C2CD3: variants seen among roughly 807,000 people sequenced by gnomAD.
C2CD3 encodes the protein C2 domain-containing protein 3.
A neutral mutation model predicts 234.0 loss-of-function variants in C2CD3; 148 were observed. The observed-to-expected ratio is 0.63, with a 90% CI of 0.55 to 0.72. The LOEUF (loss-of-function observed/expected upper bound fraction) is 0.72, where lower values mean the gene tolerates loss of function less well. C2CD3 is among the 30% of genes least tolerant of loss of function. The probability of loss-of-function intolerance (pLI) is 0.00; values close to 1 mark genes in which losing one functional copy is unlikely to be tolerated. For synonymous variants in C2CD3, 1,000 were observed against 1,035.4 expected (o/e 0.97, Z 0.66); for missense variants, 2,577 against 2,811.5 (o/e 0.92, Z 1.89).
At chr11:74,019,019 G>A (rs535059229) in intron 32 of C2CD3, among the ~76,000 whole-genome samples, 2 of 152,286 alleles carry the variant, frequency 1.3e-5, no homozygotes, top group Admixed American at 6.5e-5. Flanking sequence ...TCTATGCTAC[G>A]AAGGGGCCTG....
intron 28 of C2CD3, among the ~76,000 whole-genome samples, chr11:74,043,569 C>T (rs889704677): frequency 2.6e-5 from 4 of 152,034 alleles, no homozygotes; most frequent in African/African-American, 7.2e-5. Context: ...TCCAATGCAC[C>T]TGCAGTGTTT....
intron 11 of C2CD3, 31 bp downstream of exon 11, chr11:74,113,749 C>G: frequency 1.7e-6 from 2 of 1,177,292 alleles, no homozygotes; most frequent in South Asian, 1.2e-5. Context: ...GTCAGAATGT[C>G]TAAGGTGCAG....
chr11:74,065,026 C>A (rs1591373300), intron 24 of C2CD3, among the ~76,000 whole-genome samples: 1 of 152,146 alleles, frequency 6.6e-6, no homozygotes, highest in Admixed American at 6.5e-5. Context: ...GTCTAAAACA[C>A]CAAAAGCAAT....
chr11:74,144,185 G>A (rs937790886), intron 3 of C2CD3, among the ~76,000 whole-genome samples: 2 of 152,190 alleles, frequency 1.3e-5, no homozygotes, highest in Non-Finnish European at 2.9e-5. Context: ...GAATGTGAAA[G>A]TTCATTATAC....
intron 13 of C2CD3, among the ~76,000 whole-genome samples, chr11:74,105,699 A>T (rs1320838160): frequency 5.3e-5 from 8 of 152,222 alleles, no homozygotes; most frequent in African/African-American, 1.9e-4. Context: ...ACCAGAATTC[A>T]TTCTACCAGG....
At chr11:74,157,265 C>T (rs996044167) in intron 3 of C2CD3, among the ~76,000 whole-genome samples, 4 of 152,100 alleles carry the variant, frequency 2.6e-5, no homozygotes, top group Non-Finnish European at 5.9e-5. Flanking sequence ...AAGCATATAG[C>T]TTCCTTCTCT....
Position 74,048,357 on chromosome 11 carries a change from A to G in C2CD3, c.5362-19T>C, listed in dbSNP as rs199820899. 4.0e-5 allele frequency: 64 copies of G among 1,612,542 alleles called. No individual in the cohort carries two copies. The African/African-American group carries it at 7.6e-4, about 19-fold the overall frequency. ...TTGGGATCTGTAAACACAACAAGAA[A>G]AATGGTACACTTGTCACCATAAACC... is the stretch of plus-strand genomic sequence containing the variant. On this transcript the variant is annotated intron_variant, in intron 27 of 32. Coordinates refer to ENST00000334126, the MANE Select transcript of C2CD3 (RefSeq NM_001286577.2).
chr11:74,085,036 A>G (rs968649920), intron 21 of C2CD3, 66 bp from the exon 22 acceptor site: 3 of 842,770 alleles, frequency 3.6e-6, no homozygotes, highest in African/African-American at 1.7e-5. Context: ...AGTTTACAGT[A>G]TATCCACACA....
Position 74,057,470 on chromosome 11 carries a change from G to C in C2CD3, c.5026C>G (p.Pro1676Ala). ...VSFATADESS[P>A]VYTQVVENTD... The stretch of plus-strand genomic sequence containing the variant: ...TTTTCAACCACTTGGGTGTATACAG[G>C]AGATGACTCATCGGCTGTTGCAAAG... Residue 1676 changes from proline to alanine, a missense_variant, in exon 25 of 33, where the codon CCT (proline) becomes GCT (alanine). Pro to Ala is a conservative substitution (Grantham distance 27). Transcript: ENST00000334126. 1.2e-6 allele frequency: 2 copies of C among 1,613,958 alleles called. No individual in the cohort carries two copies. Among genetic ancestry groups the C allele is most frequent in the Non-Finnish European group, 8.5e-7 (1 of 1,179,842 alleles).
chr11:74,070,938 A>G (rs1245315549), intron 24 of C2CD3: 4 of 152,146 alleles, frequency 2.6e-5, no homozygotes, highest in Non-Finnish European at 2.9e-5. Context: ...GAGTAGGCTA[A>G]AGTGACACCA....
chr11:74,093,116 G>A (rs1484154264), intron 18 of C2CD3, among the ~76,000 whole-genome samples: 6 of 151,632 alleles, frequency 4.0e-5, no homozygotes, highest in East Asian at 1.9e-4. Flanking sequence ...AAGTGTTCTC[G>A]CATGTGGATG....
At chr11:74,020,704 C>T (rs142484536) in intron 32 of C2CD3, among the ~76,000 whole-genome samples, 1 of 152,354 alleles carries the variant, frequency 6.6e-6, no homozygotes, top group Non-Finnish European at 1.5e-5. Context: ...CTGCACCTAG[C>T]TCAGGACTGT....
chr11:74,036,605 A>G (rs1565214771), intron 30 of C2CD3: 8 of 430,738 alleles, frequency 1.9e-5, no homozygotes, highest in Non-Finnish European at 3.3e-5. Context: ...ATTTCGCTCA[A>G]GCAAAAACAA....
chr11:74,037,529 T>C lies in C2CD3; in HGVS notation c.5830A>G (p.Ile1944Val). ...ACCAGGTTACTGGATTTCTCCAGGA[T>C]ACACTGGCTCCCAGGGTCTAGGCTG... ...ASSLDPGSQC[I>V]LEKSSNLVLQ... is the part of the protein sequence containing the mutation. Residue 1944 changes from isoleucine (I) to valine (V), a missense_variant, in exon 30 of 33, where the codon ATC becomes GTC. Transcript: ENST00000334126. 1 of 1,614,120 alleles carries C rather than the reference T, an allele frequency of 6.2e-7. No individual in the cohort carries two copies. The highest frequency in any genetic ancestry group is 8.5e-7 in the Non-Finnish European group (1 of 1,179,992).
At chr11:74,156,590 G>A (rs993504173) in intron 3 of C2CD3, among the ~76,000 whole-genome samples, 2 of 151,852 alleles carry the variant, frequency 1.3e-5, no homozygotes, top group African/African-American at 4.8e-5. Context: ...CAGGAGAACC[G>A]CTTAAGCCCA....
chr11:74,159,617 T>C (rs1856304862), intron 3 of C2CD3, among the ~76,000 whole-genome samples: 1 of 151,670 alleles, frequency 6.6e-6, no homozygotes, highest in South Asian at 2.1e-4. Flanking sequence ...ACCTGTAAAA[T>C]GTGTTTGTGT....
At chr11:74,028,192 A>G in intron 32 of C2CD3, 95 bp downstream of exon 32, 1 of 880,026 alleles carries the variant, frequency 1.1e-6, no homozygotes, top group Non-Finnish European at 1.7e-6. Flanking sequence ...CAGCCTTTCC[A>G]GGAAGATGAC....
chr11:74,048,087 C>T (rs1953474610), intron 28 of C2CD3, 118 bp downstream of exon 28: 1 of 1,123,770 alleles, frequency 8.9e-7, no homozygotes, highest in African/African-American at 1.6e-5. Context: ...AGAAGATCAA[C>T]AAAGCTCTTA....
intron 16 of C2CD3, among the ~76,000 whole-genome samples, chr11:74,096,161 G>C (rs954347764): frequency 7.2e-5 from 11 of 152,280 alleles, no homozygotes; most frequent in African/African-American, 2.4e-4. Context: ...TTAACATGCA[G>C]AGCTAGTAAC....
Sources: allele counts gnomAD v4.1 joint callset (sites outside exome capture counted in the v4.1 genomes callset), GRCh38; gene constraint gnomAD v4.1.1; transcripts MANE v1.5; gene names NCBI Gene and HGNC (gene_info 2026-07-23, HGNC 2026-07-21).